The following FAM50B variants were observed in gnomAD, a reference collection of about 807,000 sequenced individuals.
FAM50B encodes the protein protein FAM50B.
Under a neutral mutation model 25.4 loss-of-function variants are expected in FAM50B, and 9 were observed. That is an observed-to-expected ratio of 0.35 (90% CI 0.21 to 0.62). The LOEUF is 0.62. Among genes scored for constraint, FAM50B ranks in the 20% least tolerant of loss-of-function variants. FAM50B has a pLI of 0.73. For missense variants in FAM50B, 372 were observed against 477.9 expected, an observed-to-expected ratio of 0.78 and a Z score of 2.07; for synonymous variants, 212 against 204.3, an observed-to-expected ratio of 1.04 and a Z score of -0.32.
At chr6:3,835,737 A>G in the FAM50B span, among the ~76,000 whole-genome samples, 1 of 152,226 alleles carries the variant, frequency 6.6e-6, no homozygotes, top group Non-Finnish European at 1.5e-5. Context: ...ATTTTTCCAG[A>G]TAAAAAATGA....
the FAM50B span, among the ~76,000 whole-genome samples, chr6:3,836,310 C>T: frequency 3.3e-5 from 5 of 152,274 alleles, no homozygotes; most frequent in African/African-American, 9.6e-5. Context: ...TTACTGAAGA[C>T]CCTCTAGCAA....
chr6:3,841,653 G>C, the FAM50B span, among the ~76,000 whole-genome samples: 14 of 152,174 alleles, frequency 9.2e-5, no homozygotes, highest in African/African-American at 3.4e-4. Context: ...AAGAGTGCTT[G>C]GTCCTTCACT....
the FAM50B span, among the ~76,000 whole-genome samples, chr6:3,839,339 T>C: frequency 6.6e-6 from 1 of 152,244 alleles, no homozygotes; most frequent in South Asian, 2.1e-4. Flanking sequence ...CATTCATCTA[T>C]TCGTGAGGGA....
rs1427816312 is a variant in FAM50B at position 3,850,794 on chromosome 6, C to A, written c.*5C>A. ...GACAAGTACACCATCCGCTAACACC[C>A]GCCTGCCAGAGCGGAAACCGGGGGT... On this transcript the variant is annotated 3_prime_UTR_variant, in exon 2 of 2. Coordinates refer to ENST00000648326, the MANE Select transcript of FAM50B (RefSeq NM_012135.3). 6.2e-7 allele frequency: 1 copy of A among 1,611,196 alleles called. No homozygotes were observed. The highest frequency in any genetic ancestry group is 8.5e-7 in the Non-Finnish European group (1 of 1,178,220).
chr6:3,834,257 T>A, the FAM50B span, among the ~76,000 whole-genome samples: 1 of 151,366 alleles, frequency 6.6e-6, no homozygotes, highest in East Asian at 1.9e-4. Flanking sequence ...ATGTATGAAA[T>A]TCATATATGT....
chr6:3,838,592 C>T, the FAM50B span, among the ~76,000 whole-genome samples: 28 of 151,196 alleles, frequency 1.9e-4, no homozygotes, highest in African/African-American at 5.8e-4. Context: ...ACCTGTAATC[C>T]GAGCACTTTG....
At position 3,850,832 on chromosome 6, in the gene FAM50B, T is replaced by C. The variant is rs1477018130; in HGVS notation, c.*43T>C. The C allele has an allele frequency of 6.3e-7, 1 of 1,598,156 alleles. No homozygotes were observed. The highest frequency in any genetic ancestry group is 2.2e-5 in the East Asian group (1 of 44,708). On this transcript the variant is annotated 3_prime_UTR_variant, in exon 2 of 2. Coordinates refer to ENST00000648326, the MANE Select transcript of FAM50B (RefSeq NM_012135.3). ...GGAAACCGGGGGTGGGGGGAGACAC[T>C]CATTTCTAGGCCCCATCACCAGTCA...
Position 3,850,996 on chromosome 6 carries a change from C to T in FAM50B, c.*207C>T, listed in dbSNP as rs923048000. 1.3e-6 allele frequency: 1 copy of T among 746,754 alleles called. No homozygotes were observed. Among genetic ancestry groups the T allele is most frequent in the African/African-American group, 1.8e-5 (1 of 56,132 alleles). 46.3% of individuals were successfully genotyped at this position (746,754 alleles called of 1,614,324 possible). A position where few individuals can be genotyped will look rare whatever the true frequency, so the allele number is the denominator to read the frequency against. ...TTTCTGAGTATTTTAGTGTTGCCACCTGGATTTGCTGCATTGCTCTGCTGA... is the reference window on the plus strand; with the variant it reads ...TTTCTGAGTATTTTAGTGTTGCCACTTGGATTTGCTGCATTGCTCTGCTGA... On this transcript the variant is annotated 3_prime_UTR_variant, in exon 2 of 2. Transcript: ENST00000648326.
At chr6:3,832,648 G>T in the FAM50B span, among the ~76,000 whole-genome samples, 1 of 152,138 alleles carries the variant, frequency 6.6e-6, no homozygotes, top group Non-Finnish European at 1.5e-5. Context: ...TTGAATCAAT[G>T]CTTCCCCTGT....
upstream of FAM50B, among the ~76,000 whole-genome samples, chr6:3,849,186 C>T (rs1407961203): frequency 6.6e-6 from 1 of 152,192 alleles, no homozygotes; most frequent in African/African-American, 2.4e-5. Context: ...GCGCCTCCTC[C>T]AGGATCCTCC....
chr6:3,842,478 G>T, the FAM50B span, among the ~76,000 whole-genome samples: 5 of 152,168 alleles, frequency 3.3e-5, no homozygotes, highest in Non-Finnish European at 5.9e-5. Flanking sequence ...TTCTAGGCAG[G>T]CTTCTGACTT....
At chr6:3,843,941 C>T in the FAM50B span, among the ~76,000 whole-genome samples, 5 of 152,078 alleles carry the variant, frequency 3.3e-5, no homozygotes, top group South Asian at 6.2e-4. Flanking sequence ...TATCGGGGCA[C>T]GCCCTACACC....
chr6:3,841,882 A>C, the FAM50B span, among the ~76,000 whole-genome samples: 1 of 152,264 alleles, frequency 6.6e-6, no homozygotes, highest in African/African-American at 2.4e-5. Flanking sequence ...CCTGCTGCAA[A>C]CCCGGCTGTC....
the FAM50B span, among the ~76,000 whole-genome samples, chr6:3,837,155 T>C: frequency 1.3e-5 from 2 of 152,210 alleles, no homozygotes; most frequent in African/African-American, 2.4e-5. Flanking sequence ...GAGAAAATGT[T>C]TGTGGCCTTG....
the FAM50B span, among the ~76,000 whole-genome samples, chr6:3,838,860 ACACAC>A: frequency 2.9e-4 from 39 of 132,312 alleles, no homozygotes; most frequent in Middle Eastern, 4.7e-3. Flanking sequence ...AAAAAAAAAA[ACACAC>A]ACACAAGAAA....
chr6:3,838,417 C>T, the FAM50B span, among the ~76,000 whole-genome samples: 861 of 152,226 alleles, frequency 5.7e-3, 8 homozygotes, highest in African/African-American at 0.019. Flanking sequence ...AGCAACAAAA[C>T]GGCATGAACT....
At chr6:3,843,696 A>G in the FAM50B span, among the ~76,000 whole-genome samples, 1 of 152,194 alleles carries the variant, frequency 6.6e-6, no homozygotes, top group Non-Finnish European at 1.5e-5. Flanking sequence ...TTGCATGCCA[A>G]AATATTGGCT....
At position 3,850,785 on chromosome 6, in the gene FAM50B, G is replaced by A. The variant is rs1166359972; in HGVS notation, c.974G>A (p.Arg325His). Residue 325 changes from arginine (R) to histidine (H), a missense_variant, in exon 2 of 2, where the codon CGC becomes CAC. Arg to His is a conservative substitution (Grantham distance 29). Around this residue, in one of 4 missense-constraint regions of FAM50B, gnomAD observed 57 missense variants for 65.8 expected, o/e 0.87. Coordinates refer to ENST00000648326, the MANE Select transcript of FAM50B (RefSeq NM_012135.3). ...AAGAAGTGGGACAAGTACACCATCC[G>A]CTAACACCCGCCTGCCAGAGCGGAA... ...PEKKWDKYTI[R>H] is the part of the protein sequence containing the mutation. 3.1e-6 allele frequency: 5 copies of A among 1,612,830 alleles called. No individual in the cohort carries two copies. The highest frequency in any genetic ancestry group is 1.7e-5 in the Admixed American group (1 of 59,942).
chr6:3,846,351 G>C (rs573785027), upstream of FAM50B, among the ~76,000 whole-genome samples: 47 of 152,304 alleles, frequency 3.1e-4, no homozygotes, highest in African/African-American at 1.1e-3. Flanking sequence ...CTATAGTCTA[G>C]TAAGTGTGCA....
Sources: allele counts gnomAD v4.1 joint callset (sites outside exome capture counted in the v4.1 genomes callset), GRCh38; gene constraint gnomAD v4.1.1; regional missense constraint gnomAD v4.1.1; transcripts MANE v1.5; gene names NCBI Gene and HGNC (gene_info 2026-07-23, HGNC 2026-07-21).